BCAS3: variants seen among roughly 807,000 people sequenced by gnomAD.
BCAS3 encodes the protein BCAS3 microtubule associated cell migration factor, also known as BCAS4/BCAS3 fusion.
Under a neutral mutation model 116.1 loss-of-function variants are expected in BCAS3, and 53 were observed. The observed-to-expected ratio is 0.46, with a 90% CI of 0.37 to 0.57. The LOEUF (loss-of-function observed/expected upper bound fraction) is 0.57, where lower values mean the gene tolerates loss of function less well. Among genes scored for constraint, BCAS3 ranks in the 20% least tolerant of loss-of-function variants. The pLI, the probability that BCAS3 is intolerant of heterozygous loss-of-function variation, is 0.00. For synonymous variants in BCAS3, 391 were observed against 408.2 expected (o/e 0.96, Z 0.51); for missense variants, 917 against 1,165.4 (o/e 0.79, Z 3.10).
chr17:60,837,888 G>T (rs2051512568), intron 7 of BCAS3, among the ~76,000 whole-genome samples: 1 of 152,042 alleles, frequency 6.6e-6, no homozygotes, highest in Non-Finnish European at 1.5e-5. Context: ...CTGACCTCAG[G>T]TGATCCACCC....
At position 61,078,447 on chromosome 17, in the gene BCAS3, G is replaced by T; in HGVS notation, c.2245G>T (p.Val749Leu). ...QTTVISSSSS[V>L]LQSHGPSDTP... is the part of the protein sequence containing the mutation. ...CACAGTTATCTCATCCAGTTCATCT[G>T]TGTTGCAGTCTCATGGTCCGAGTGA... is the stretch of plus-strand genomic sequence containing the variant. Residue 749 changes from valine to leucine, a missense_variant, in exon 21 of 24, where the codon GTG becomes TTG. Val to Leu is a conservative substitution (Grantham distance 32, BLOSUM62 1). This residue lies in a region of BCAS3 where 807 missense variants were observed against 1,026.0 expected (regional missense o/e 0.79). Transcript: ENST00000407086. 1 of 1,614,160 alleles carries T rather than the reference G, an allele frequency of 6.2e-7. No homozygotes were observed. Among genetic ancestry groups the T allele is most frequent in the Non-Finnish European group, 8.5e-7 (1 of 1,180,024 alleles).
intron 12 of BCAS3, among the ~76,000 whole-genome samples, chr17:60,915,481 T>G (rs1362763593): frequency 6.6e-6 from 1 of 151,998 alleles, no homozygotes; most frequent in Non-Finnish European, 1.5e-5. Context: ...CTTCTTTGTA[T>G]TTCATGAGCA....
chr17:60,948,038 G>A (rs1238944351), intron 14 of BCAS3, among the ~76,000 whole-genome samples: 1 of 152,088 alleles, frequency 6.6e-6, no homozygotes, highest in Non-Finnish European at 1.5e-5. Context: ...CTGAGCGCTT[G>A]TATCAGGTGC....
chr17:61,051,091 A>T lies in BCAS3; in HGVS notation c.2029+10199A>T, dbSNP rs2068816386. Among the ~76,000 whole-genome samples, 1 of 152,048 alleles carries T rather than the reference A, an allele frequency of 6.6e-6. No homozygotes were observed. The highest frequency in any genetic ancestry group is 1.5e-5 in the Non-Finnish European group (1 of 67,964). ...TTTGACTGAATGAGATTGAAATCAG[A>T]TATACCCATATCTTTGACAACTACT... On this transcript the variant is annotated intron_variant, in intron 19 of 23. Coordinates refer to ENST00000407086, the MANE Select transcript of BCAS3 (RefSeq NM_017679.5). The surrounding 1 kb of genome is among the most constrained non-coding windows in gnomAD (Gnocchi z 4.1).
chr17:60,798,505 T>G (rs1276447229), intron 6 of BCAS3, among the ~76,000 whole-genome samples: 11 of 152,244 alleles, frequency 7.2e-5, no homozygotes, highest in African/African-American at 4.8e-5. Flanking sequence ...GCATTTAACA[T>G]TCCTTCGTTT....
rs2070325527 is a variant in BCAS3, at chr17:61,063,819, A to G, written c.2030-11101A>G. ...CTTCAATTAAGGCACAAAGAAGATG[A>G]ATTTTTTTCCTATCAAATTGATATG... On this transcript the variant is annotated intron_variant, in intron 19 of 23. Coordinates refer to ENST00000407086, the MANE Select transcript of BCAS3 (RefSeq NM_017679.5). This position sits in a 1 kb window ranked among gnomAD's most constrained non-coding sequence, Gnocchi z 5.3. 1.3e-5 allele frequency among the ~76,000 whole-genome samples: 2 copies of G among 152,170 alleles called. No individual in the cohort carries two copies. Among genetic ancestry groups the G allele is most frequent in the Admixed American group, 1.3e-4 (2 of 15,278 alleles).
rs930101206 is a variant in BCAS3, at chr17:61,039,579, C to T, written c.1929-1213C>T. Among the ~76,000 whole-genome samples the T allele has an allele frequency of 2.0e-5, 3 of 152,080 alleles. No homozygotes were observed. In the East Asian group the frequency reaches 5.8e-4, roughly 29 times the overall value. ...CTGGGACTACAGGCACTAGCCACCA[C>T]GCCAGCTAATTTTTTGTATTTTTAC... On this transcript the variant is annotated intron_variant, in intron 18 of 23. Transcript: ENST00000407086.
rs1477166806 is a variant in BCAS3 at position 60,994,017 on chromosome 17, GA to G, written c.1486+3789del. Among the ~76,000 whole-genome samples, 1 of 151,802 alleles carries G rather than the reference GA, an allele frequency of 6.6e-6. No homozygotes were observed. The highest frequency in any genetic ancestry group is 2.4e-5 in the African/African-American group (1 of 41,348). On this transcript the variant is annotated intron_variant, in intron 15 of 23. Transcript: ENST00000407086. The surrounding 1 kb of genome is among the most constrained non-coding windows in gnomAD (Gnocchi z 4.4). ...TTCTTGTGATCCATGAACAGGATAG[GA>G]AAAAAATTTACATCTTTATATTCAC... is the stretch of plus-strand genomic sequence containing the variant.
intron 9 of BCAS3, among the ~76,000 whole-genome samples, chr17:60,880,537 C>T (rs963000124): frequency 6.6e-6 from 1 of 152,196 alleles, no homozygotes; most frequent in South Asian, 2.1e-4. Flanking sequence ...ATCCGTCCTC[C>T]TTGGCCTCCG....
chr17:61,322,842 G>GAGAGACAGAGAGAGAGAGAGAGAC, intron 22 of BCAS3, among the ~76,000 whole-genome samples: 1 of 146,978 alleles, frequency 6.8e-6, no homozygotes, highest in African/African-American at 2.6e-5. Context: ...GAGAGAGAGA[G>GAGAGACAGAGAGAGAGAGAGAGAC]AGAGAGAGAG....
intron 6 of BCAS3, among the ~76,000 whole-genome samples, chr17:60,765,508 G>A (rs1386272043): frequency 6.6e-6 from 1 of 152,120 alleles, no homozygotes; most frequent in Non-Finnish European, 1.5e-5. Context: ...TAAAAATGTT[G>A]AATATTGGCC....
Position 61,057,432 on chromosome 17 carries a change from A to G in BCAS3, c.2029+16540A>G, listed in dbSNP as rs374896348. ...TACTTAGGAAACAGGAAATCCAGAC[A>G]CTGATGGTTTTGACTTCCTTCACAT... On this transcript the variant is annotated intron_variant, in intron 19 of 23. Transcript: ENST00000407086. Among the ~76,000 whole-genome samples the G allele has an allele frequency of 1.1e-3, 173 of 152,358 alleles. 1 individual carries two copies. The highest frequency in any genetic ancestry group is 3.4e-3 in the African/African-American group (143 of 41,586).
At chr17:61,216,516 G>T (rs1424187122) in intron 22 of BCAS3, among the ~76,000 whole-genome samples, 3 of 145,352 alleles carry the variant, frequency 2.1e-5, no homozygotes, top group African/African-American at 5.1e-5. Flanking sequence ...ATAAGTATGT[G>T]TTTATTTTAT....
chr17:60,957,545 T>C (rs1017698530), intron 14 of BCAS3, among the ~76,000 whole-genome samples: 5 of 152,204 alleles, frequency 3.3e-5, no homozygotes, highest in Non-Finnish European at 7.4e-5. Flanking sequence ...ATTTACATAC[T>C]ATAAAATTCA....
chr17:61,326,437 T>G lies in BCAS3; in HGVS notation c.2426-41890T>G, dbSNP rs2055734466. ...TTTATCCTAAATGAGAAGCATGTTT[T>G]CAGCAGAGGGTGAGTTTTGAAAAGA... On this transcript the variant is annotated intron_variant, in intron 22 of 23. Coordinates refer to ENST00000407086, the MANE Select transcript of BCAS3 (RefSeq NM_017679.5). The surrounding 1 kb of genome is among the most constrained non-coding windows in gnomAD (Gnocchi z 5.3). 6.6e-6 allele frequency among the ~76,000 whole-genome samples: 1 copy of G among 152,218 alleles called. No individual in the cohort carries two copies. Among genetic ancestry groups the G allele is most frequent in the African/African-American group, 2.4e-5 (1 of 41,450 alleles).
At chr17:60,920,178 ACAT>A (rs2058997837) in intron 12 of BCAS3, among the ~76,000 whole-genome samples, 1 of 152,152 alleles carries the variant, frequency 6.6e-6, no homozygotes, top group Admixed American at 6.5e-5. Flanking sequence ...ACCCTTTTTG[ACAT>A]CTGCTTTGGT....
At chr17:61,264,132 A>G (rs1308191052) in intron 22 of BCAS3, among the ~76,000 whole-genome samples, 2 of 152,018 alleles carry the variant, frequency 1.3e-5, no homozygotes, top group Non-Finnish European at 2.9e-5. Context: ...ATGAGTTTAT[A>G]TATATATAAA....
At chr17:60,810,208 T>C in intron 7 of BCAS3, 1 of 433,720 alleles carries the variant, frequency 2.3e-6, no homozygotes. Flanking sequence ...AAACTACCAG[T>C]CTCTGGGCTC....
intron 6 of BCAS3, among the ~76,000 whole-genome samples, chr17:60,770,543 C>T (rs1365719917): frequency 4.0e-5 from 6 of 150,306 alleles, no homozygotes; most frequent in Non-Finnish European, 7.4e-5. Flanking sequence ...CTCAGCCTCC[C>T]GAGTAGCTGG....
Sources: gnomAD v4.1 joint callset for allele counts (sites outside exome capture counted in the v4.1 genomes callset) on GRCh38, gnomAD v4.1.1 for gene constraint, gnomAD v4.1.1 regional missense constraint, Gnocchi (gnomAD v3.1) non-coding constraint, MANE v1.5 for transcripts, NCBI Gene and HGNC (gene_info 2026-07-23, HGNC 2026-07-21) for gene names.